GLDC: variants seen among roughly 807,000 people sequenced by gnomAD.
The protein encoded by GLDC is glycine dehydrogenase (decarboxylating), mitochondrial.
A neutral mutation model predicts 121.3 loss-of-function variants in GLDC; 104 were observed. The observed-to-expected ratio is 0.86, with a 90% confidence interval of 0.73 to 1.01. The LOEUF (loss-of-function observed/expected upper bound fraction) is 1.01, where lower values mean the gene tolerates loss of function less well. Among genes scored for constraint, GLDC ranks in the 50% least tolerant of loss-of-function variants. GLDC has a pLI of 0.00. For missense variants in GLDC, 1,429 were observed against 1,306.6 expected (o/e 1.09, Z -1.44); for synonymous variants, 546 against 480.6 (o/e 1.14, Z -1.78).
intron 2 of GLDC, 62 bp downstream of exon 2, chr9:6,644,552 A>G: frequency 8.8e-7 from 1 of 1,138,802 alleles, no homozygotes; most frequent in Non-Finnish European, 1.3e-6. Context: ...ATTTTCAGGG[A>G]ACCACAAAAG....
chr9:6,636,240 G>A (rs1482670821), intron 2 of GLDC, among the ~76,000 whole-genome samples: 1 of 151,328 alleles, frequency 6.6e-6, no homozygotes, highest in Non-Finnish European at 1.5e-5. Flanking sequence ...GGAGGCGGAG[G>A]TTGCAGTGAT....
At chr9:6,602,057 C>A in intron 8 of GLDC, 52 bp downstream of exon 8, 1 of 1,046,910 alleles carries the variant, frequency 9.6e-7, no homozygotes, top group South Asian at 1.3e-5. Context: ...ATGAGTAGCT[C>A]ATTTCTGTGT....
intron 18 of GLDC, among the ~76,000 whole-genome samples, chr9:6,555,501 G>A (rs1465269773): frequency 6.6e-6 from 1 of 152,150 alleles, no homozygotes; most frequent in African/African-American, 2.4e-5. Flanking sequence ...GGGCGTGGTG[G>A]ATCACACCTG....
intron 2 of GLDC, among the ~76,000 whole-genome samples, chr9:6,620,684 T>C (rs1480979453): frequency 6.6e-6 from 1 of 152,196 alleles, no homozygotes; most frequent in Non-Finnish European, 1.5e-5. Flanking sequence ...CCCAGTAAAA[T>C]ACTGTGTTTT....
At chr9:6,553,139 C>T (rs1283735180) in intron 20 of GLDC, among the ~76,000 whole-genome samples, 1 of 152,050 alleles carries the variant, frequency 6.6e-6, no homozygotes, top group Non-Finnish European at 1.5e-5. Flanking sequence ...GATGTTAAAC[C>T]CACTCTGAGA....
chr9:6,618,219 G>T (rs753345558), intron 3 of GLDC, among the ~76,000 whole-genome samples: 4 of 152,230 alleles, frequency 2.6e-5, no homozygotes, highest in Admixed American at 1.3e-4. Flanking sequence ...TTTCAACTCA[G>T]TGTTTCTGGT....
Position 6,550,851 on chromosome 9 carries a change from C to G in GLDC, c.2521G>C (p.Ala841Pro), listed in dbSNP as rs386833562. The change falls in exon 21 of 25, where the codon GCC becomes CCC. Residue 841 changes from alanine (A) to proline (P), a missense_variant. Physicochemically the swap from Ala to Pro is conservative, Grantham distance 27. Coordinates refer to ENST00000321612, the MANE Select transcript of GLDC (RefSeq NM_000170.3). Reference sequence around the variant, plus strand: ...CTGTAGTGTGTTTCTAATCGCTTGGCCATGTAGTTGGCATTTAATATCGCA... The same window carrying G: ...CTGTAGTGTGTTTCTAATCGCTTGGGCATGTAGTTGGCATTTAATATCGCA... ...ETAILNANYM[A>P]KRLETHYRIL... is the part of the protein sequence containing the mutation. 2.5e-6 allele frequency: 4 copies of G among 1,613,724 alleles called. No individual in the cohort carries two copies. Among genetic ancestry groups the G allele is most frequent in the Non-Finnish European group, 3.4e-6 (4 of 1,179,620 alleles).
intron 21 of GLDC, among the ~76,000 whole-genome samples, chr9:6,548,554 C>G (rs1478947322): frequency 5.9e-5 from 9 of 152,142 alleles, no homozygotes; most frequent in Non-Finnish European, 1.0e-4. Context: ...TGGAACCACC[C>G]CTTTGGATAC....
At chr9:6,593,168 G>A in intron 9 of GLDC, 178 bp from the exon 10 acceptor site, 1 of 635,566 alleles carries the variant, frequency 1.6e-6, no homozygotes, top group Non-Finnish European at 2.8e-6. Flanking sequence ...AGAAAATTAT[G>A]AAATACATAT....
chr9:6,586,052 T>C (rs566216663), intron 15 of GLDC, among the ~76,000 whole-genome samples: 118 of 152,036 alleles, frequency 7.8e-4, no homozygotes, highest in Non-Finnish European at 1.2e-3. Flanking sequence ...TCCCAACACT[T>C]TGGGAGGCCG....
At chr9:6,640,907 G>A (rs1819617648) in intron 2 of GLDC, among the ~76,000 whole-genome samples, 1 of 152,060 alleles carries the variant, frequency 6.6e-6, no homozygotes, top group Non-Finnish European at 1.5e-5. Flanking sequence ...CACTAATAAG[G>A]GCACCATTCA....
intron 2 of GLDC, among the ~76,000 whole-genome samples, chr9:6,629,947 A>ATATATATATATATATATATATATATGTG (rs1819330368): frequency 1.2e-5 from 1 of 80,970 alleles, no homozygotes; most frequent in Non-Finnish European, 2.1e-5. Flanking sequence ...ATATATATGT[A>ATATATATATATATATATATATATATGTG]TATATATATA....
At chr9:6,639,026 A>G in intron 2 of GLDC, 1 of 512,740 alleles carries the variant, frequency 2.0e-6, no homozygotes, top group Non-Finnish European at 3.5e-6. Context: ...AAAAAAAAGT[A>G]TATCCTCAGA....
intron 2 of GLDC, among the ~76,000 whole-genome samples, chr9:6,620,598 C>G (rs915018980): frequency 6.6e-6 from 1 of 152,112 alleles, no homozygotes; most frequent in Non-Finnish European, 1.5e-5. Flanking sequence ...CATTTTAACA[C>G]TTGCCTCATT....
chr9:6,560,576 G>T (rs1278976076), intron 16 of GLDC, among the ~76,000 whole-genome samples: 1 of 152,230 alleles, frequency 6.6e-6, no homozygotes, highest in Non-Finnish European at 1.5e-5. Context: ...TCTACAAAAG[G>T]ATCGTTGGAT....
intron 2 of GLDC, among the ~76,000 whole-genome samples, chr9:6,633,107 C>A (rs1819423689): frequency 6.6e-6 from 1 of 152,092 alleles, no homozygotes; most frequent in Non-Finnish European, 1.5e-5. Flanking sequence ...AGAAATGCAG[C>A]CCCTCAACTC....
Position 6,533,140 on chromosome 9 carries a change from G to T in GLDC, c.2940C>A (p.Asn980Lys), listed in dbSNP as rs1335607734. Residue 980 changes from asparagine (N) to lysine (K), a missense_variant, in exon 25 of 25, where the codon AAC (asparagine) becomes AAA (lysine). Transcript: ENST00000321612. Reference sequence around the variant, plus strand: ...TCCGGGCAATCGTTGGCCAGAATTTGTTCTCTGGTTTCACGAAGGGCTGCA... The same window carrying T: ...TCCGGGCAATCGTTGGCCAGAATTTTTTCTCTGGTTTCACGAAGGGCTGCA... The part of the protein sequence containing the change: ...AFPLPFVKPE[N>K]KFWPTIARID... 2.5e-6 allele frequency: 4 copies of T among 1,613,578 alleles called. No individual in the cohort carries two copies. The highest frequency in any genetic ancestry group is 3.4e-6 in the Non-Finnish European group (4 of 1,179,538).
chr9:6,597,277 A>C (rs377425900), intron 8 of GLDC, among the ~76,000 whole-genome samples: 1 of 152,326 alleles, frequency 6.6e-6, no homozygotes, highest in East Asian at 1.9e-4. Flanking sequence ...GGGTAATAAA[A>C]ATATTCTGAA....
At position 6,606,324 on chromosome 9, in the gene GLDC, AAAAAAGAAG is replaced by A. The variant is rs1246448294; in HGVS notation, c.713+259_713+267del. Among the ~76,000 whole-genome samples, 6 of 148,072 alleles carry A rather than the reference AAAAAAGAAG, an allele frequency of 4.1e-5. No homozygotes were observed. The Admixed American group carries it at 4.1e-4, about 10-fold the overall frequency. Reference sequence around the variant, plus strand: ...GACTCCGTCTCAAAAAAAAAAAAAAAAAAAAGAAGAAGAAGAAAACAAAACACAACTTAC... The same window carrying A: ...GACTCCGTCTCAAAAAAAAAAAAAAAAAGAAGAAAACAAAACACAACTTAC... On this transcript the variant is annotated intron_variant, in intron 5 of 24. Coordinates refer to ENST00000321612, the MANE Select transcript of GLDC (RefSeq NM_000170.3).
Sources: gnomAD v4.1 joint callset for allele counts (sites outside exome capture counted in the v4.1 genomes callset) on GRCh38, gnomAD v4.1.1 for gene constraint, MANE v1.5 for transcripts, NCBI Gene and HGNC (gene_info 2026-07-23, HGNC 2026-07-21) for gene names.